EFNA2: variants seen among roughly 807,000 people sequenced by gnomAD.
EFNA2 encodes the protein ephrin A2.
In EFNA2, 18 loss-of-function variants were observed where a neutral mutation model predicts 19.7. The observed-to-expected ratio is 0.91, with a 90% CI of 0.63 to 1.35. The LOEUF (loss-of-function observed/expected upper bound fraction) is 1.35, where lower values mean the gene tolerates loss of function less well. Ranked by LOEUF, EFNA2 falls within the 40% of genes most tolerant of loss-of-function variation. The pLI, the probability that EFNA2 is intolerant of heterozygous loss-of-function variation, is 0.00. For missense variants in EFNA2, 303 were observed against 296.0 expected, an observed-to-expected ratio of 1.02 and a Z score of -0.17; for synonymous variants, 187 against 137.8, an observed-to-expected ratio of 1.36 and a Z score of -2.50.
In EFNA2 at chr19:1,286,981, T is replaced by C. The variant is rs2144610548; in HGVS notation, c.140+673T>C. The stretch of plus-strand genomic sequence containing the variant: ...CCAGGAAACTGAGGTGCAGAGGGGA[T>C]GAGGAGCTGGCTCAAGGTCATGCAA... On this transcript the variant is annotated intron_variant, in intron 1 of 3. Coordinates refer to ENST00000215368, the MANE Select transcript of EFNA2 (RefSeq NM_001405.4). This position sits in a 1 kb window ranked among gnomAD's most constrained non-coding sequence, Gnocchi z 5.6. 6.6e-6 allele frequency among the ~76,000 whole-genome samples: 1 copy of C among 151,980 alleles called. No individual in the cohort carries two copies. Among genetic ancestry groups the C allele is most frequent in the East Asian group, 1.9e-4 (1 of 5,140 alleles).
intron 1 of EFNA2, among the ~76,000 whole-genome samples, chr19:1,289,447 C>T (rs2081481321): frequency 2.6e-5 from 4 of 152,198 alleles, no homozygotes; most frequent in Admixed American, 6.5e-5. Context: ...GGCCCCAGCA[C>T]GGTCCACAAT....
chr19:1,295,498 C>A lies in EFNA2; in HGVS notation c.141-47C>A. ...CTCCCCGCGCACCCCGACCCGTGCCCCGTTCCTCGCTCCGGGCGCTGACCT... is the reference window on the plus strand; with the variant it reads ...CTCCCCGCGCACCCCGACCCGTGCCACGTTCCTCGCTCCGGGCGCTGACCT... On this transcript the variant is annotated intron_variant, in intron 1 of 3. Coordinates refer to ENST00000215368, the MANE Select transcript of EFNA2 (RefSeq NM_001405.4). This position sits in a 1 kb window ranked among gnomAD's most constrained non-coding sequence, Gnocchi z 5.8. 1 of 1,488,332 alleles carries A rather than the reference C, an allele frequency of 6.7e-7. No individual in the cohort carries two copies. The highest frequency in any genetic ancestry group is 8.9e-7 in the Non-Finnish European group (1 of 1,121,678). 92.2% of individuals were successfully genotyped at this position (1,488,332 alleles called of 1,614,324 possible).
At chr19:1,293,313 C>T (rs989954328) in intron 1 of EFNA2, among the ~76,000 whole-genome samples, 2 of 152,238 alleles carry the variant, frequency 1.3e-5, no homozygotes, top group Non-Finnish European at 2.9e-5. Flanking sequence ...CTGCATCGAT[C>T]GTGCCCAAGG....
chr19:1,291,862 C>T (rs1017493422), intron 1 of EFNA2, among the ~76,000 whole-genome samples: 2 of 152,244 alleles, frequency 1.3e-5, no homozygotes, highest in Non-Finnish European at 2.9e-5. Flanking sequence ...GGGAGCCCTG[C>T]TGGGTGAGCC....
upstream of EFNA2, among the ~76,000 whole-genome samples, chr19:1,285,218 A>G (rs1346255785): frequency 6.6e-6 from 1 of 152,210 alleles, no homozygotes; most frequent in East Asian, 1.9e-4. This position sits in a 1 kb window ranked among gnomAD's most constrained non-coding sequence, Gnocchi z 4.1. Context: ...GCCCCCGGGC[A>G]GCGGCCCTCC....
rs1287747223 is a variant in EFNA2, at chr19:1,297,384, TC to T, written c.455-1166del. On this transcript the variant is annotated intron_variant, in intron 2 of 3. Transcript: ENST00000215368. The surrounding 1 kb of genome is among the most constrained non-coding windows in gnomAD (Gnocchi z 5.0). Reference sequence around the variant, plus strand: ...CATAATATGAGAAAAATTACATTTTTCTTTCTGAGACGGCAGTTTCATAAAG... The same window carrying T: ...CATAATATGAGAAAAATTACATTTTTTTTCTGAGACGGCAGTTTCATAAAG... 6.6e-5 allele frequency among the ~76,000 whole-genome samples: 10 copies of T among 152,330 alleles called. No individual in the cohort carries two copies. The highest frequency in any genetic ancestry group is 1.5e-4 in the Non-Finnish European group (10 of 68,024).
rs1322992261 is a variant in EFNA2, at chr19:1,296,447, C to A, written c.454+589C>A. On this transcript the variant is annotated intron_variant, in intron 2 of 3. Coordinates refer to ENST00000215368, the MANE Select transcript of EFNA2 (RefSeq NM_001405.4). The surrounding 1 kb of genome is among the most constrained non-coding windows in gnomAD (Gnocchi z 4.4). ...ATCCCAGCACTTTGGGATGCCGAGG[C>A]GGGAGGATCACTTGAGGCCAGCGTG... Among the ~76,000 whole-genome samples the A allele has an allele frequency of 6.6e-6, 1 of 152,134 alleles. No individual in the cohort carries two copies. Among genetic ancestry groups the A allele is most frequent in the African/African-American group, 2.4e-5 (1 of 41,422 alleles).
chr19:1,295,395 C>T lies in EFNA2; in HGVS notation c.141-150C>T, dbSNP rs1357532981. Reference sequence around the variant, plus strand: ...CTGTCCCCCCTGGCGCACCCTGACCCGTCCCCCGTGCTCCTGACCCCGGCC... The same window carrying T: ...CTGTCCCCCCTGGCGCACCCTGACCTGTCCCCCGTGCTCCTGACCCCGGCC... On this transcript the variant is annotated intron_variant, in intron 1 of 3. Transcript: ENST00000215368. This position sits in a 1 kb window ranked among gnomAD's most constrained non-coding sequence, Gnocchi z 5.8. The T allele has an allele frequency of 2.7e-6, 2 of 749,430 alleles. No individual in the cohort carries two copies. Among genetic ancestry groups the T allele is most frequent in the Non-Finnish European group, 4.1e-6 (2 of 487,524 alleles). The allele number at this position is 749,430 out of a possible 1,614,324, so 46.4% of individuals were successfully genotyped here.
chr19:1,289,536 C>T (rs1296778897), intron 1 of EFNA2, among the ~76,000 whole-genome samples: 1 of 152,220 alleles, frequency 6.6e-6, no homozygotes, highest in Non-Finnish European at 1.5e-5. Flanking sequence ...GCCATCAAGC[C>T]TCAGAGCAGG....
chr19:1,288,474 G>A (rs1046617826), intron 1 of EFNA2, among the ~76,000 whole-genome samples: 2 of 152,060 alleles, frequency 1.3e-5, no homozygotes, highest in Admixed American at 6.5e-5. Flanking sequence ...GGGCAGGTGT[G>A]TGGGGGATGC....
chr19:1,293,438 G>A (rs555835253), intron 1 of EFNA2, among the ~76,000 whole-genome samples: 62 of 152,308 alleles, frequency 4.1e-4, no homozygotes, highest in Admixed American at 1.8e-3. Context: ...CCCCGTGTCT[G>A]TGCGGACGCA....
chr19:1,290,533 G>A (rs977378359), intron 1 of EFNA2, among the ~76,000 whole-genome samples: 3 of 152,206 alleles, frequency 2.0e-5, no homozygotes, highest in Non-Finnish European at 2.9e-5. Context: ...GAGGCAGTGG[G>A]TTGTGCATTC....
At chr19:1,289,625 C>T (rs549216851) in intron 1 of EFNA2, among the ~76,000 whole-genome samples, 18 of 152,338 alleles carry the variant, frequency 1.2e-4, no homozygotes, top group Non-Finnish European at 2.1e-4. Context: ...ACTGGGTGGG[C>T]GCTTGCCCAC....
At chr19:1,298,260 C>T (rs144553854) in intron 2 of EFNA2, among the ~76,000 whole-genome samples, 2 of 152,050 alleles carry the variant, frequency 1.3e-5, no homozygotes, top group East Asian at 3.9e-4. Context: ...CATCATTTTC[C>T]GAGCTCACCC....
rs1448714761 is a variant in EFNA2, at chr19:1,295,721, A to G, written c.317A>G (p.Gln106Arg). The part of the protein sequence containing the change: ...GEGHASCDHR[Q>R]RGFKRWECNR... Reference sequence around the variant, plus strand: ...GGCCACGCCTCCTGCGACCACCGCCAGCGCGGCTTCAAGCGCTGGGAGTGC... The same window carrying G: ...GGCCACGCCTCCTGCGACCACCGCCGGCGCGGCTTCAAGCGCTGGGAGTGC... The change falls in exon 2 of 4, where the codon CAG becomes CGG. Residue 106 changes from glutamine to arginine, a missense_variant. Transcript: ENST00000215368. The surrounding 1 kb of genome is among the most constrained non-coding windows in gnomAD (Gnocchi z 5.8). The G allele has an allele frequency of 1.9e-6, 3 of 1,608,570 alleles. No homozygotes were observed. The highest frequency in any genetic ancestry group is 2.5e-6 in the Non-Finnish European group (3 of 1,178,020).
chr19:1,289,520 C>A (rs2081481652), intron 1 of EFNA2, among the ~76,000 whole-genome samples: 1 of 152,216 alleles, frequency 6.6e-6, no homozygotes, highest in African/African-American at 2.4e-5. Flanking sequence ...GGCCCGTGTG[C>A]AGACGGCCAT....
Position 1,299,898 on chromosome 19 carries a change from C to G in EFNA2, c.595C>G (p.Leu199Val). The G allele has an allele frequency of 1.2e-6, 2 of 1,605,478 alleles. No individual in the cohort carries two copies. The highest frequency in any genetic ancestry group is 2.2e-5 in the South Asian group (2 of 90,576). The change falls in exon 4 of 4, where the codon CTC becomes GTC. Residue 199 changes from leucine (L) to valine (V), a missense_variant. Leu to Val is a conservative substitution (Grantham distance 32). Transcript: ENST00000215368. ...GTGTAGCAGCCCGGGCGGCTGCCGCCTCTTCCTCAGCACCATCCCCGTGCT... is the reference window on the plus strand; with the variant it reads ...GTGTAGCAGCCCGGGCGGCTGCCGCGTCTTCCTCAGCACCATCCCCGTGCT... The part of the protein sequence containing the change: ...NSCSSPGGCR[L>V]FLSTIPVLWT...
chr19:1,284,864 C>T (rs183473057), upstream of EFNA2, among the ~76,000 whole-genome samples: 15 of 152,354 alleles, frequency 9.8e-5, 1 homozygote, highest in Middle Eastern at 0.014. The surrounding 1 kb of genome is among the most constrained non-coding windows in gnomAD (Gnocchi z 5.3). Context: ...ATCTGGGCAT[C>T]GCCAGCAAAG....
chr19:1,297,261 G>T lies in EFNA2; in HGVS notation c.455-1290G>T, dbSNP rs529091275. 3.9e-5 allele frequency among the ~76,000 whole-genome samples: 6 copies of T among 152,266 alleles called. No individual in the cohort carries two copies. The highest frequency in any genetic ancestry group is 7.2e-5 in the African/African-American group (3 of 41,558). The stretch of plus-strand genomic sequence containing the variant: ...GCTGTGTGAAATTAAACTTTACAAG[G>T]CCCCATTGCCTCCTTTCTCTGCTCT... On this transcript the variant is annotated intron_variant, in intron 2 of 3. Transcript: ENST00000215368. This position sits in a 1 kb window ranked among gnomAD's most constrained non-coding sequence, Gnocchi z 5.0.
Sources: gnomAD v4.1 joint callset for allele counts (sites outside exome capture counted in the v4.1 genomes callset) on GRCh38, gnomAD v4.1.1 for gene constraint, Gnocchi (gnomAD v3.1) non-coding constraint, MANE v1.5 for transcripts, NCBI Gene and HGNC (gene_info 2026-07-23, HGNC 2026-07-21) for gene names.